BBX: variants seen among roughly 807,000 people sequenced by gnomAD.
BBX encodes HMG box transcription factor BBX.
In BBX, 30 loss-of-function variants were observed where a neutral mutation model predicts 100.2. That is an observed-to-expected ratio of 0.30 (90% CI 0.22 to 0.41). BBX has a LOEUF of 0.41. Among genes scored for constraint, BBX ranks in the 10% least tolerant of loss-of-function variants. BBX has a pLI of 1.00. For synonymous variants in BBX, 376 were observed against 388.1 expected (o/e 0.97, Z 0.37); for missense variants, 1,023 against 1,129.8 (o/e 0.91, Z 1.35).
chr3:107,617,895 G>T (rs2055417500), intron 2 of BBX, among the ~76,000 whole-genome samples: 1 of 150,820 alleles, frequency 6.6e-6, no homozygotes, highest in Admixed American at 6.6e-5. Flanking sequence ...TTGACTTATT[G>T]CACTGGCTTG....
intron 2 of BBX, among the ~76,000 whole-genome samples, chr3:107,565,172 G>A (rs2107492124): frequency 6.6e-6 from 1 of 152,162 alleles, no homozygotes; most frequent in East Asian, 1.9e-4. Flanking sequence ...GATCATATAT[G>A]TGGCCACCTT....
intron 2 of BBX, among the ~76,000 whole-genome samples, chr3:107,614,034 C>G (rs1341845006): frequency 6.8e-6 from 1 of 147,678 alleles, no homozygotes. Flanking sequence ...TCACTGGAAC[C>G]TCCGCCTCCT....
At chr3:107,547,786 T>G (rs2049347450) in intron 2 of BBX, among the ~76,000 whole-genome samples, 1 of 152,008 alleles carries the variant, frequency 6.6e-6, no homozygotes, top group Admixed American at 6.6e-5. Context: ...CCCTTCTTCT[T>G]TCCCTTCTAT....
chr3:107,554,683 A>G lies in BBX; in HGVS notation c.-84+28285A>G, dbSNP rs995765934. Among the ~76,000 whole-genome samples the G allele has an allele frequency of 5.9e-5, 9 of 152,160 alleles. No homozygotes were observed. The East Asian group carries it at 1.5e-3, about 26-fold the overall frequency. On this transcript the variant is annotated intron_variant, in intron 2 of 17. Transcript: ENST00000325805. ...TCTAGATTTCTAGAAAGATCATGCAATTGCACTCCAGCCTGGGCAACAGGG... is the reference window on the plus strand; with the variant it reads ...TCTAGATTTCTAGAAAGATCATGCAGTTGCACTCCAGCCTGGGCAACAGGG...
intron 13 of BBX, among the ~76,000 whole-genome samples, chr3:107,779,773 T>C (rs2067682100): frequency 6.6e-6 from 1 of 152,070 alleles, no homozygotes; most frequent in Non-Finnish European, 1.5e-5. Flanking sequence ...ACCTTTCTCC[T>C]TCAAAGCCTA....
At chr3:107,705,711 G>T (rs892909910) in intron 3 of BBX, among the ~76,000 whole-genome samples, 1 of 152,166 alleles carries the variant, frequency 6.6e-6, no homozygotes, top group Non-Finnish European at 1.5e-5. Context: ...TGAGTAAAGG[G>T]TGGATTTGCC....
chr3:107,614,844 A>C (rs930075794), intron 2 of BBX, among the ~76,000 whole-genome samples: 41 of 152,188 alleles, frequency 2.7e-4, no homozygotes, highest in African/African-American at 9.7e-4. Context: ...AGGAAAGTGC[A>C]AAGGCCCTGC....
At chr3:107,626,306 C>T (rs1266011529) in intron 2 of BBX, among the ~76,000 whole-genome samples, 1 of 152,182 alleles carries the variant, frequency 6.6e-6, no homozygotes, top group Non-Finnish European at 1.5e-5. Flanking sequence ...CTGTTCCTAG[C>T]ATATCTGATA....
intron 9 of BBX, among the ~76,000 whole-genome samples, chr3:107,748,498 A>G (rs1383726442): frequency 6.6e-6 from 1 of 152,212 alleles, no homozygotes; most frequent in Non-Finnish European, 1.5e-5. Flanking sequence ...AGCTTCAGCC[A>G]GTATTTTTAT....
chr3:107,710,617 G>C lies in BBX; in HGVS notation c.157G>C (p.Asp53His), dbSNP rs2061656960. The C allele has an allele frequency of 1.2e-6, 2 of 1,608,404 alleles. No individual in the cohort carries two copies. Among genetic ancestry groups the C allele is most frequent in the Non-Finnish European group, 1.7e-6 (2 of 1,177,050 alleles). Residue 53 changes from aspartate to histidine, a missense_variant, in exon 4 of 18, where the codon GAT (aspartate) becomes CAT (histidine). By Grantham distance (81) the Asp-to-His change is moderately conservative. Coordinates refer to ENST00000325805, the MANE Select transcript of BBX (RefSeq NM_001142568.3). ...EEEEDEEEDI[D>H]KVQLLGADGL... is the part of the protein sequence containing the mutation. ...AGAGGAAGACGAAGAGGAGGATATT[G>C]ATAAGGTAAGTCCTATATTTACCAT...
intron 2 of BBX, among the ~76,000 whole-genome samples, chr3:107,533,869 G>T (rs2048323187): frequency 6.6e-6 from 1 of 151,820 alleles, no homozygotes; most frequent in Admixed American, 6.6e-5. Flanking sequence ...AGTGTTTTCT[G>T]TAATTTAGTC....
chr3:107,685,928 C>T (rs756640892), intron 3 of BBX, among the ~76,000 whole-genome samples: 2 of 152,146 alleles, frequency 1.3e-5, no homozygotes, highest in African/African-American at 4.8e-5. Flanking sequence ...CTGCTCCATT[C>T]GGCTGTGACT....
At chr3:107,664,803 A>C (rs2058655146) in intron 3 of BBX, among the ~76,000 whole-genome samples, 1 of 152,204 alleles carries the variant, frequency 6.6e-6, no homozygotes, top group South Asian at 2.1e-4. Flanking sequence ...GTTGAGATAG[A>C]GAAAGAGTGA....
Position 107,529,281 on chromosome 3 carries a change from G to A in BBX, c.-84+2883G>A, listed in dbSNP as rs1576178551. On this transcript the variant is annotated intron_variant, in intron 2 of 17. Transcript: ENST00000325805. ...AGAGGAAGATGCTTTTCTTGAACTTGTACCTTGAAGTCCATCTCATTGTTT... is the reference window on the plus strand; with the variant it reads ...AGAGGAAGATGCTTTTCTTGAACTTATACCTTGAAGTCCATCTCATTGTTT... Among the ~76,000 whole-genome samples the A allele has an allele frequency of 2.0e-5, 3 of 152,168 alleles. No homozygotes were observed. The East Asian group carries it at 5.8e-4, about 29-fold the overall frequency.
intron 2 of BBX, among the ~76,000 whole-genome samples, chr3:107,601,913 C>T (rs1422990227): frequency 6.6e-6 from 1 of 152,208 alleles, no homozygotes; most frequent in African/African-American, 2.4e-5. Context: ...AAAGGACAGG[C>T]TGACTCTTTT....
chr3:107,668,747 T>C (rs2058877011), intron 3 of BBX, among the ~76,000 whole-genome samples: 1 of 152,196 alleles, frequency 6.6e-6, no homozygotes, highest in South Asian at 2.1e-4. Flanking sequence ...TTTGAGTACG[T>C]TTCCTTTTCT....
chr3:107,625,929 A>G (rs539996856), intron 2 of BBX, among the ~76,000 whole-genome samples: 53 of 152,294 alleles, frequency 3.5e-4, no homozygotes, highest in South Asian at 1.7e-3. Flanking sequence ...CATGGGGTAC[A>G]TAGTGATGTT....
At chr3:107,704,691 G>C (rs931803909) in intron 3 of BBX, among the ~76,000 whole-genome samples, 6 of 152,164 alleles carry the variant, frequency 3.9e-5, no homozygotes, top group Non-Finnish European at 7.3e-5. Context: ...CACGAGGGCA[G>C]ATCCCCCATG....
chr3:107,629,930 T>G lies in BBX; in HGVS notation c.-83-15906T>G, dbSNP rs1261216948. On this transcript the variant is annotated intron_variant, in intron 2 of 17. Transcript: ENST00000325805. ...ATGTGGCATAAACTGGTGAGATGCGTGTCTGTAGAGGTACAGTCTTGCTAT... is the reference window on the plus strand; with the variant it reads ...ATGTGGCATAAACTGGTGAGATGCGGGTCTGTAGAGGTACAGTCTTGCTAT... Among the ~76,000 whole-genome samples, 6 of 152,302 alleles carry G rather than the reference T, an allele frequency of 3.9e-5. No homozygotes were observed. The East Asian group carries it at 9.7e-4, about 25-fold the overall frequency.
Sources: gnomAD v4.1 joint callset for allele counts (sites outside exome capture counted in the v4.1 genomes callset) on GRCh38, gnomAD v4.1.1 for gene constraint, MANE v1.5 for transcripts, NCBI Gene and HGNC (gene_info 2026-07-23, HGNC 2026-07-21) for gene names.